The following CACNA2D1 variants were observed in gnomAD, a reference collection of about 807,000 sequenced individuals.
CACNA2D1 encodes the protein calcium voltage-gated channel auxiliary subunit alpha2delta 1, also known as voltage-dependent calcium channel subunit alpha-2/delta-1.
A neutral mutation model predicts 171.5 loss-of-function variants in CACNA2D1; 53 were observed. The observed-to-expected ratio is 0.31, with a 90% CI of 0.25 to 0.39. The LOEUF is 0.39. CACNA2D1 is among the 10% of genes least tolerant of loss of function. The pLI is 1.00. For missense variants in CACNA2D1, 903 were observed against 1,299.8 expected (o/e 0.69, Z 4.69); for synonymous variants, 442 against 443.1 (o/e 1.00, Z 0.03).
intron 3 of CACNA2D1, among the ~76,000 whole-genome samples, chr7:82,258,817 CTTTTTTTTT>C (rs201927487): frequency 5.5e-5 from 4 of 72,616 alleles, no homozygotes; most frequent in African/African-American, 1.6e-4. Flanking sequence ...TCTTACTTTT[CTTTTTTTTT>C]TTTTTTTTTT....
At chr7:82,109,914 T>A (rs1286613427) in intron 6 of CACNA2D1, among the ~76,000 whole-genome samples, 2 of 152,284 alleles carry the variant, frequency 1.3e-5, no homozygotes, top group East Asian at 3.9e-4. Flanking sequence ...TCTGTTAGGT[T>A]CTATATTCTT....
intron 1 of CACNA2D1, among the ~76,000 whole-genome samples, chr7:82,368,155 C>G (rs1275901768): frequency 6.6e-6 from 1 of 152,180 alleles, no homozygotes; most frequent in African/African-American, 2.4e-5. Flanking sequence ...GCTCAGCTAC[C>G]TACATCTTCA....
intron 1 of CACNA2D1, among the ~76,000 whole-genome samples, chr7:82,393,088 AGGCAGGCAGGCAGGC>A (rs1563483293): frequency 2.0e-5 from 2 of 101,158 alleles, no homozygotes; most frequent in African/African-American, 8.8e-5. Context: ...GAAGGAAGGC[AGGCAGGCAGGCAGGC>A]AGGCAGGCAG....
intron 1 of CACNA2D1, among the ~76,000 whole-genome samples, chr7:82,440,505 A>G (rs1024512155): frequency 6.6e-6 from 1 of 151,948 alleles, no homozygotes; most frequent in African/African-American, 2.4e-5. Flanking sequence ...TTCCATTTAT[A>G]TATCAACCAA....
intron 3 of CACNA2D1, among the ~76,000 whole-genome samples, chr7:82,190,347 A>G (rs1247692837): frequency 4.0e-5 from 6 of 151,794 alleles, no homozygotes; most frequent in African/African-American, 1.4e-4. Flanking sequence ...ACTATGAATA[A>G]ATTGTTTTAA....
At chr7:82,356,036 T>C (rs1820381946) in intron 1 of CACNA2D1, among the ~76,000 whole-genome samples, 1 of 152,060 alleles carries the variant, frequency 6.6e-6, no homozygotes, top group Admixed American at 6.6e-5. Context: ...TACCATCTTA[T>C]CCCTCCTCCA....
rs1272261386 is a variant in CACNA2D1, at chr7:82,443,421, AAGTGTC to A, written c.33_38del (p.Thr12_Leu13del). On this transcript the variant is annotated inframe_deletion, in exon 1 of 39. Transcript: ENST00000356860. ...AGGGGCCGATGAGCAAAGATTGGAA[AAGTGTC>A]AGAGTCAAGGCCAGCAGGCAGCCAG... 13 of 1,607,108 alleles carry A rather than the reference AAGTGTC, an allele frequency of 8.1e-6. No individual in the cohort carries two copies. The highest frequency in any genetic ancestry group is 1.1e-5 in the Non-Finnish European group (13 of 1,176,508).
At chr7:82,126,057 CTGTA>C (rs1554417939) in intron 5 of CACNA2D1, among the ~76,000 whole-genome samples, 1 of 152,142 alleles carries the variant, frequency 6.6e-6, no homozygotes, top group Non-Finnish European at 1.5e-5. Context: ...AGGAAATGGT[CTGTA>C]TGTTTTATAT....
intron 26 of CACNA2D1, among the ~76,000 whole-genome samples, 167 bp downstream of exon 26, chr7:81,971,610 C>A (rs949609676): frequency 6.6e-6 from 1 of 151,640 alleles, no homozygotes; most frequent in South Asian, 2.1e-4. Flanking sequence ...CTGAAAAACA[C>A]CCACAACTGA....
chr7:82,100,683 G>T lies in CACNA2D1; in HGVS notation c.527-15783C>A, dbSNP rs73381523. Among the ~76,000 whole-genome samples the T allele has an allele frequency of 3.2e-3, 482 of 152,270 alleles. 5 individuals are homozygous for T. The highest frequency in any genetic ancestry group is 0.024 in the South Asian group (117 of 4,834). On this transcript the variant is annotated intron_variant, in intron 6 of 38. Transcript: ENST00000356860. ...TGCATGAAAGATATACATATATGAAGTGTATACACATGTGTATTTATGCCA... is the reference window on the plus strand; with the variant it reads ...TGCATGAAAGATATACATATATGAATTGTATACACATGTGTATTTATGCCA...
intron 10 of CACNA2D1, among the ~76,000 whole-genome samples, chr7:82,055,108 G>A (rs75075409): frequency 0.02 from 3,110 of 152,204 alleles, 116 homozygotes; most frequent in African/African-American, 0.069. Flanking sequence ...TATAAAGTAC[G>A]CTGCATTCAC....
At chr7:82,434,365 G>A (rs1829946924) in intron 1 of CACNA2D1, among the ~76,000 whole-genome samples, 1 of 152,082 alleles carries the variant, frequency 6.6e-6, no homozygotes, top group Non-Finnish European at 1.5e-5. Flanking sequence ...TTAAGTTGAG[G>A]GGTAAAAGTG....
chr7:82,332,001 C>T (rs1817359874), intron 3 of CACNA2D1, among the ~76,000 whole-genome samples: 1 of 152,096 alleles, frequency 6.6e-6, no homozygotes, highest in Non-Finnish European at 1.5e-5. Context: ...TTTTCATTTT[C>T]CAGTAATGAA....
intron 5 of CACNA2D1, among the ~76,000 whole-genome samples, chr7:82,119,790 T>C (rs368730729): frequency 2.6e-5 from 4 of 152,136 alleles, no homozygotes; most frequent in East Asian, 1.9e-4. Context: ...TGCCACAAAG[T>C]TGTAAAATAA....
At chr7:82,087,708 T>C (rs1196789169) in intron 6 of CACNA2D1, among the ~76,000 whole-genome samples, 1 of 152,148 alleles carries the variant, frequency 6.6e-6, no homozygotes, top group East Asian at 1.9e-4. Flanking sequence ...TATATTACTC[T>C]GGTACCTTGA....
At chr7:82,343,336 A>T (rs1283487263) in intron 2 of CACNA2D1, 1 of 152,208 alleles carries the variant, frequency 6.6e-6, no homozygotes, top group East Asian at 1.9e-4. Context: ...TATTAACAAG[A>T]ACACGATGGT....
At chr7:82,402,728 AAAAAGAAG>A (rs1826572650) in intron 1 of CACNA2D1, among the ~76,000 whole-genome samples, 1 of 147,462 alleles carries the variant, frequency 6.8e-6, no homozygotes, top group Admixed American at 6.7e-5. Flanking sequence ...AAAAAAAAAA[AAAAAGAAG>A]AAGAAGTAAA....
intron 1 of CACNA2D1, among the ~76,000 whole-genome samples, chr7:82,356,638 A>C (rs1820454644): frequency 6.6e-6 from 1 of 152,146 alleles, no homozygotes; most frequent in South Asian, 2.1e-4. Flanking sequence ...AATTGAAATG[A>C]AATGCAATTG....
At chr7:82,097,438 G>A (rs1019801737) in intron 6 of CACNA2D1, among the ~76,000 whole-genome samples, 1 of 152,126 alleles carries the variant, frequency 6.6e-6, no homozygotes, top group Admixed American at 6.5e-5. Context: ...GGTGGATATA[G>A]AGAGTGGAAA....
Sources: gnomAD v4.1 joint callset for allele counts (sites outside exome capture counted in the v4.1 genomes callset) on GRCh38, gnomAD v4.1.1 for gene constraint, MANE v1.5 for transcripts, NCBI Gene and HGNC (gene_info 2026-07-23, HGNC 2026-07-21) for gene names.